Variants in PPP2R2B observed in about 807,000 individuals in gnomAD.
PPP2R2B encodes the protein protein phosphatase 2 regulatory subunit Bbeta.
Under a neutral mutation model 46.0 loss-of-function variants are expected in PPP2R2B, and 5 were observed. That is an observed-to-expected ratio of 0.11 (90% CI 0.06 to 0.23). The LOEUF (loss-of-function observed/expected upper bound fraction) is 0.23, where lower values mean the gene tolerates loss of function less well. Ranked by LOEUF, PPP2R2B falls within the 10% of genes least tolerant of loss-of-function variation. PPP2R2B has a pLI of 1.00. For missense variants in PPP2R2B, 367 were observed against 575.0 expected (o/e 0.64, Z 3.70); for synonymous variants, 215 against 206.7 (o/e 1.04, Z -0.34).
intron 2 of PPP2R2B, among the ~76,000 whole-genome samples, chr5:146,727,932 G>C (rs909605482): frequency 2.0e-5 from 3 of 151,790 alleles, no homozygotes; most frequent in Non-Finnish European, 4.4e-5. Context: ...CTATGAGTTT[G>C]ACTTTTTTTA....
chr5:146,920,368 AGTGG>A (rs1241270103), intron 1 of PPP2R2B, among the ~76,000 whole-genome samples: 4 of 152,206 alleles, frequency 2.6e-5, no homozygotes, highest in Non-Finnish European at 5.9e-5. Flanking sequence ...AGAGGCACAC[AGTGG>A]GTGCTCAAGA....
At chr5:146,881,062 C>T (rs1316095991), upstream of PPP2R2B, among the ~76,000 whole-genome samples, 1 of 130,064 alleles carries the variant, frequency 7.7e-6, no homozygotes, top group Non-Finnish European at 1.6e-5. Flanking sequence ...AGCTGGGGGG[C>T]GGGGTGGGGG....
chr5:146,752,130 G>T (rs1317320045), intron 2 of PPP2R2B, among the ~76,000 whole-genome samples: 2 of 152,026 alleles, frequency 1.3e-5, no homozygotes, highest in East Asian at 3.9e-4. Context: ...AGTGAGAGAT[G>T]GTGGCAGCTT....
In PPP2R2B at chr5:146,616,703, C is replaced by T. The variant is rs149148272; in HGVS notation, c.791-16243G>A. On this transcript the variant is annotated intron_variant, in intron 7 of 9. Transcript: ENST00000394411. ...TATCATCTGACCCTAGTTAAAATGGCTTTCATCTAAAAGGCAATAATGCTG... is the reference window on the plus strand; with the variant it reads ...TATCATCTGACCCTAGTTAAAATGGTTTTCATCTAAAAGGCAATAATGCTG... Among the ~76,000 whole-genome samples, 4 of 152,246 alleles carry T rather than the reference C, an allele frequency of 2.6e-5. No individual in the cohort carries two copies. The East Asian group carries it at 7.7e-4, about 29-fold the overall frequency.
chr5:147,074,514 A>G (rs972142206), intron 2 of PPP2R2B, among the ~76,000 whole-genome samples: 1 of 152,188 alleles, frequency 6.6e-6, no homozygotes, highest in Non-Finnish European at 1.5e-5. Context: ...TTTGTCAATC[A>G]CTGACATCTT....
At chr5:147,002,778 G>C (rs891517621) in intron 1 of PPP2R2B, among the ~76,000 whole-genome samples, 16 of 148,694 alleles carry the variant, frequency 1.1e-4, no homozygotes, top group African/African-American at 3.4e-4. Flanking sequence ...CTGCTGCATT[G>C]GTAAGCACAA....
At position 146,740,908 on chromosome 5, in the gene PPP2R2B, G is replaced by A. The variant is rs75136342; in HGVS notation, c.71-39766C>T. 7.1e-3 allele frequency among the ~76,000 whole-genome samples: 1,082 copies of A among 152,146 alleles called. 31 individuals are homozygous for A. The highest frequency in any genetic ancestry group is 0.065 in the East Asian group (337 of 5,162). On this transcript the variant is annotated intron_variant, in intron 2 of 9. Transcript: ENST00000394411. The stretch of plus-strand genomic sequence containing the variant: ...ATCACCAAAGGAACACATTAAAAAT[G>A]CAGATTCCATCCCAGCTACTCAGGA...
At chr5:146,868,483 A>G (rs1761436326) in intron 2 of PPP2R2B, among the ~76,000 whole-genome samples, 1 of 152,232 alleles carries the variant, frequency 6.6e-6, no homozygotes, top group African/African-American at 2.4e-5. Context: ...AATGCCTCAT[A>G]GAAACTGAGA....
intron 2 of PPP2R2B, among the ~76,000 whole-genome samples, chr5:146,873,453 G>C (rs1365994916): frequency 6.6e-6 from 1 of 152,130 alleles, no homozygotes; most frequent in Non-Finnish European, 1.5e-5. Flanking sequence ...TCTTTGGATA[G>C]AGTCCAAACT....
intron 1 of PPP2R2B, among the ~76,000 whole-genome samples, chr5:146,883,758 G>A (rs1436494671): frequency 6.6e-6 from 1 of 152,182 alleles, no homozygotes; most frequent in African/African-American, 2.4e-5. Flanking sequence ...AACATGTAAT[G>A]CCACATAAGT....
chr5:146,874,824 GA>G (rs148671641), intron 2 of PPP2R2B, among the ~76,000 whole-genome samples: 34 of 149,398 alleles, frequency 2.3e-4, no homozygotes, highest in Middle Eastern at 3.5e-3. Flanking sequence ...TTCCATATCT[GA>G]AAAAAAAAAT....
chr5:146,983,371 G>C (rs1191465059), intron 1 of PPP2R2B, among the ~76,000 whole-genome samples: 1 of 151,688 alleles, frequency 6.6e-6, no homozygotes, highest in Non-Finnish European at 1.5e-5. Context: ...TAGTAGAGAC[G>C]GGGTTTCACC....
intron 1 of PPP2R2B, among the ~76,000 whole-genome samples, chr5:146,967,523 G>T (rs116117175): frequency 0.016 from 2,421 of 152,236 alleles, 23 homozygotes; most frequent in Non-Finnish European, 0.028. Context: ...AAACCAGAGC[G>T]CTGGTTTGAA....
At chr5:146,677,743 G>C (rs1253655028) in intron 5 of PPP2R2B, among the ~76,000 whole-genome samples, 1 of 151,982 alleles carries the variant, frequency 6.6e-6, no homozygotes, top group Non-Finnish European at 1.5e-5. Context: ...GCCCAGGCTA[G>C]TCTTGAACTC....
At chr5:146,919,272 A>G (rs1255120234) in intron 1 of PPP2R2B, 1 of 152,200 alleles carries the variant, frequency 6.6e-6, no homozygotes, top group Non-Finnish European at 1.5e-5. Context: ...TTAGAGAAAA[A>G]TTTAGTAGAA....
intron 8 of PPP2R2B, among the ~76,000 whole-genome samples, chr5:146,597,517 C>T (rs551970114): frequency 6.6e-6 from 1 of 152,180 alleles, no homozygotes; most frequent in South Asian, 2.1e-4. Flanking sequence ...CTTTCTTGCT[C>T]TCTCTTTCCA....
intron 2 of PPP2R2B, among the ~76,000 whole-genome samples, chr5:146,761,486 G>A (rs924956773): frequency 5.9e-5 from 9 of 152,158 alleles, no homozygotes; most frequent in African/African-American, 2.2e-4. Context: ...GACACAGGAA[G>A]GGGAACATCA....
At chr5:147,034,178 C>T (rs988927543) in intron 1 of PPP2R2B, among the ~76,000 whole-genome samples, 1 of 152,072 alleles carries the variant, frequency 6.6e-6, no homozygotes, top group Admixed American at 6.6e-5. Flanking sequence ...ACTTGCTTTT[C>T]CCTCTGTCTA....
intron 2 of PPP2R2B, among the ~76,000 whole-genome samples, chr5:146,714,699 T>C (rs1450325741): frequency 1.3e-5 from 2 of 152,200 alleles, no homozygotes; most frequent in African/African-American, 4.8e-5. Flanking sequence ...TCTCTTCATA[T>C]AAGGTTTAAC....
Sources: allele counts gnomAD v4.1 joint callset (sites outside exome capture counted in the v4.1 genomes callset), GRCh38; gene constraint gnomAD v4.1.1; transcripts MANE v1.5; gene names NCBI Gene and HGNC (gene_info 2026-07-23, HGNC 2026-07-21).